Variants in LUZP2 observed in about 807,000 individuals in gnomAD.
The protein encoded by LUZP2 is leucine zipper protein 2.
LUZP2 carries 52 observed loss-of-function variants against 51.6 expected under a neutral mutation model. The observed-to-expected ratio is 1.01, with a 90% confidence interval of 0.81 to 1.27. The LOEUF (loss-of-function observed/expected upper bound fraction) is 1.27. Ranked by LOEUF, LUZP2 falls within the 50% of genes most tolerant of loss-of-function variation. The pLI is 0.00. For synonymous variants in LUZP2, 154 were observed against 137.3 expected, an observed-to-expected ratio of 1.12 and a Z score of -0.85; for missense variants, 436 against 395.4, an observed-to-expected ratio of 1.10 and a Z score of -0.87.
Position 24,763,322 on chromosome 11 carries a change from C to T in LUZP2, c.396+14C>T, listed in dbSNP as rs772748490. On this transcript the variant is annotated intron_variant, in intron 5 of 11. Coordinates refer to ENST00000336930, the MANE Select transcript of LUZP2 (RefSeq NM_001009909.4). ...CTCCAGAATGAGGTAAGATATATTT[C>T]ATCTTAGATACATTTTATATAGATC... is the stretch of plus-strand genomic sequence containing the variant. The T allele has an allele frequency of 4.9e-6, 6 of 1,220,276 alleles. No homozygotes were observed. The highest frequency in any genetic ancestry group is 5.4e-5 in the Admixed American group (2 of 37,074). The allele number at this position is 1,220,276 out of a possible 1,614,324, so 75.6% of individuals were successfully genotyped here.
intron 10 of LUZP2, among the ~76,000 whole-genome samples, chr11:25,075,927 T>C (rs1251928711): frequency 3.3e-5 from 5 of 152,070 alleles, no homozygotes; most frequent in Admixed American, 2.6e-4. Flanking sequence ...ATCCCCTGAT[T>C]CATCGCTTGG....
chr11:24,663,056 C>T (rs984242674), intron 1 of LUZP2, among the ~76,000 whole-genome samples: 1 of 151,894 alleles, frequency 6.6e-6, no homozygotes, highest in Non-Finnish European at 1.5e-5. Context: ...CAAAGATAAT[C>T]ACTTTTAACA....
At chr11:24,749,456 G>T (rs562670389) in intron 4 of LUZP2, among the ~76,000 whole-genome samples, 7 of 152,242 alleles carry the variant, frequency 4.6e-5, no homozygotes, top group Admixed American at 2.6e-4. Flanking sequence ...GTTTCTGGGT[G>T]TGTCTGTGAG....
intron 1 of LUZP2, among the ~76,000 whole-genome samples, chr11:24,675,677 C>T (rs1337849165): frequency 6.6e-6 from 1 of 151,912 alleles, no homozygotes; most frequent in Non-Finnish European, 1.5e-5. Flanking sequence ...TAAGAAAAAA[C>T]AATTTCACTA....
At chr11:24,941,531 T>C (rs956967761) in intron 7 of LUZP2, among the ~76,000 whole-genome samples, 7 of 152,126 alleles carry the variant, frequency 4.6e-5, no homozygotes, top group Admixed American at 3.9e-4. Flanking sequence ...ATGCAGTTCA[T>C]ATGTCAGGAA....
chr11:24,726,534 C>CA (rs552755345), intron 1 of LUZP2, among the ~76,000 whole-genome samples: 2 of 151,014 alleles, frequency 1.3e-5, no homozygotes, highest in African/African-American at 2.4e-5. Context: ...CTCCCCCCAC[C>CA]AAAAAAAATT....
chr11:24,578,504 A>G lies in LUZP2; in HGVS notation c.62+81199A>G, dbSNP rs984512203. ...GCATGCATATGTTTATTGCAGCATCATCCACAATAGCAAAGATGTGGAGTC... is the reference window on the plus strand; with the variant it reads ...GCATGCATATGTTTATTGCAGCATCGTCCACAATAGCAAAGATGTGGAGTC... On this transcript the variant is annotated intron_variant, in intron 1 of 11. Coordinates refer to ENST00000336930, the MANE Select transcript of LUZP2 (RefSeq NM_001009909.4). Among the ~76,000 whole-genome samples the G allele has an allele frequency of 2.0e-5, 3 of 152,116 alleles. No homozygotes were observed. The South Asian group carries it at 6.2e-4, about 32-fold the overall frequency.
At chr11:24,912,488 T>C (rs1213589555) in intron 6 of LUZP2, among the ~76,000 whole-genome samples, 1 of 152,020 alleles carries the variant, frequency 6.6e-6, no homozygotes, top group Admixed American at 6.6e-5. Context: ...AGCTCCAACT[T>C]CACAAATTGA....
chr11:24,876,724 C>A (rs1419310358), intron 5 of LUZP2, among the ~76,000 whole-genome samples: 1 of 152,122 alleles, frequency 6.6e-6, no homozygotes, highest in East Asian at 1.9e-4. Context: ...TTCTTCCTAC[C>A]CATGAGCCTG....
intron 9 of LUZP2, among the ~76,000 whole-genome samples, chr11:25,009,678 G>A (rs923080617): frequency 3.9e-5 from 6 of 152,046 alleles, no homozygotes; most frequent in African/African-American, 7.2e-5. Context: ...GAGATTATCT[G>A]AAATGTCTAT....
At chr11:24,802,795 A>C (rs1372455661) in intron 5 of LUZP2, among the ~76,000 whole-genome samples, 1 of 152,082 alleles carries the variant, frequency 6.6e-6, no homozygotes, top group Non-Finnish European at 1.5e-5. Flanking sequence ...CCAGTATGAT[A>C]GTTTTAAGAG....
intron 1 of LUZP2, among the ~76,000 whole-genome samples, chr11:24,710,016 T>C (rs1342580258): frequency 6.6e-6 from 1 of 152,192 alleles, no homozygotes; most frequent in Admixed American, 6.5e-5. Context: ...TATAGAAATG[T>C]GCTCCTCTGA....
intron 10 of LUZP2, among the ~76,000 whole-genome samples, chr11:25,054,895 G>A (rs866032590): frequency 6.8e-6 from 1 of 147,798 alleles, no homozygotes; most frequent in Non-Finnish European, 1.5e-5. Context: ...GCTATTCTGA[G>A]TCCCTTACAT....
intron 7 of LUZP2, among the ~76,000 whole-genome samples, chr11:24,931,550 G>C (rs1181366976): frequency 1.3e-5 from 2 of 152,154 alleles, no homozygotes; most frequent in Non-Finnish European, 2.9e-5. Flanking sequence ...TTCTCTAAGT[G>C]TGTCCTTCAC....
intron 7 of LUZP2, among the ~76,000 whole-genome samples, chr11:24,957,998 G>A (rs1277497643): frequency 4.6e-5 from 7 of 152,032 alleles, no homozygotes; most frequent in East Asian, 1.9e-4. Context: ...GAGAATATGC[G>A]ATGTTTGGTT....
chr11:24,599,642 G>C (rs1011292838), intron 1 of LUZP2, among the ~76,000 whole-genome samples: 2 of 152,032 alleles, frequency 1.3e-5, no homozygotes, highest in Admixed American at 6.6e-5. Context: ...TATTTTGGTT[G>C]TTATTTTGTT....
intron 5 of LUZP2, among the ~76,000 whole-genome samples, chr11:24,847,965 A>C (rs755133045): frequency 1.3e-5 from 2 of 152,148 alleles, no homozygotes; most frequent in African/African-American, 2.4e-5. Flanking sequence ...TATTGTATTT[A>C]GAATACTCCC....
At chr11:25,031,587 T>A (rs1857688452) in intron 9 of LUZP2, among the ~76,000 whole-genome samples, 1 of 152,162 alleles carries the variant, frequency 6.6e-6, no homozygotes, top group African/African-American at 2.4e-5. Context: ...TACTTTTCAT[T>A]CTAATTTTGT....
chr11:24,990,700 C>A (rs1001158746), intron 9 of LUZP2, among the ~76,000 whole-genome samples: 4 of 151,954 alleles, frequency 2.6e-5, no homozygotes, highest in Non-Finnish European at 5.9e-5. Flanking sequence ...TATTAGACAA[C>A]CTGAGAGTTC....
Sources: gnomAD v4.1 joint callset for allele counts (sites outside exome capture counted in the v4.1 genomes callset) on GRCh38, gnomAD v4.1.1 for gene constraint, MANE v1.5 for transcripts, NCBI Gene and HGNC (gene_info 2026-07-23, HGNC 2026-07-21) for gene names.